The following SPOP variants were observed in gnomAD, a reference collection of about 807,000 sequenced individuals.
SPOP encodes the protein speckle-type POZ protein.
A neutral mutation model predicts 45.6 loss-of-function variants in SPOP; 11 were observed. That is an observed-to-expected ratio of 0.24 (90% CI 0.15 to 0.40). SPOP has a LOEUF of 0.40. Among genes scored for constraint, SPOP ranks in the 10% least tolerant of loss-of-function variants. The pLI, the probability that SPOP is intolerant of heterozygous loss-of-function variation, is 1.00. For synonymous variants in SPOP, 166 were observed against 166.3 expected (o/e 1.00, Z 0.01); for missense variants, 152 against 465.6 (o/e 0.33, Z 6.20).
At chr17:49,637,306 CA>C (rs990570102) in intron 1 of SPOP, among the ~76,000 whole-genome samples, 1 of 152,028 alleles carries the variant, frequency 6.6e-6, no homozygotes, top group South Asian at 2.1e-4. Context: ...AGTCATCTCT[CA>C]AAAAAATATT....
At chr17:49,655,511 CAA>C (rs912580849) in intron 1 of SPOP, among the ~76,000 whole-genome samples, 8 of 121,968 alleles carry the variant, frequency 6.6e-5, no homozygotes, top group African/African-American at 6.1e-5. Flanking sequence ...ACTCCGTCTC[CAA>C]AAAAAAAAAA....
intron 1 of SPOP, among the ~76,000 whole-genome samples, chr17:49,628,958 T>C (rs1371117253): frequency 1.3e-5 from 2 of 152,136 alleles, no homozygotes; most frequent in Non-Finnish European, 2.9e-5. Context: ...AATACTCTGA[T>C]GAAGGCCAGG....
chr17:49,618,465 T>C (rs2072137498), intron 5 of SPOP: 1 of 442,034 alleles, frequency 2.3e-6, no homozygotes, highest in Admixed American at 2.5e-5. Context: ...GTTAGAGAGC[T>C]TTACATAGCC....
chr17:49,643,260 A>G (rs1380497266), intron 1 of SPOP, among the ~76,000 whole-genome samples: 2 of 152,226 alleles, frequency 1.3e-5, no homozygotes, highest in Non-Finnish European at 2.9e-5. Flanking sequence ...ACACTTCAGG[A>G]TTCCAAGTGC....
At chr17:49,638,583 CA>C (rs5820771) in intron 1 of SPOP, among the ~76,000 whole-genome samples, 106,181 of 148,350 alleles carry the variant, frequency 0.72, 38,061 homozygotes, top group East Asian at 0.99. Flanking sequence ...GACTCTGTCT[CA>C]AAAAAAAAAA....
chr17:49,675,622 C>T (rs1312422766), intron 1 of SPOP, among the ~76,000 whole-genome samples: 3 of 152,324 alleles, frequency 2.0e-5, no homozygotes, highest in Non-Finnish European at 4.4e-5. Context: ...AAAGGCTCTG[C>T]ACCAGTACGA....
intron 1 of SPOP, among the ~76,000 whole-genome samples, chr17:49,626,432 T>C (rs1021866165): frequency 5.3e-5 from 8 of 152,184 alleles, no homozygotes; most frequent in Non-Finnish European, 1.2e-4. Flanking sequence ...TGGTGGCTTA[T>C]GCCTGTAATC....
At chr17:49,612,992 T>C (rs1191158949) in intron 5 of SPOP, 2 of 152,224 alleles carry the variant, frequency 1.3e-5, no homozygotes, top group Non-Finnish European at 2.9e-5. Flanking sequence ...TATTCATTTG[T>C]TTAAAACTAG....
intron 1 of SPOP, among the ~76,000 whole-genome samples, chr17:49,669,014 G>A (rs1471974078): frequency 6.6e-6 from 1 of 151,782 alleles, no homozygotes; most frequent in Non-Finnish European, 1.5e-5. Context: ...CTGACCTCGT[G>A]ATCCGCCCAT....
chr17:49,636,300 C>T (rs528456677), intron 1 of SPOP: 2 of 152,264 alleles, frequency 1.3e-5, no homozygotes, highest in Admixed American at 1.3e-4. Flanking sequence ...GCCCGACCTT[C>T]CTGAAGAACT....
At chr17:49,608,074 A>G (rs1468226373) in intron 6 of SPOP, 145 bp from the exon 7 acceptor site, 2 of 534,692 alleles carry the variant, frequency 3.7e-6, no homozygotes, top group Non-Finnish European at 6.4e-6. Context: ...GAATTACAAA[A>G]TTCCTTTCTT....
intron 1 of SPOP, among the ~76,000 whole-genome samples, chr17:49,676,571 T>C (rs1046517093): frequency 2.0e-5 from 3 of 152,196 alleles, no homozygotes; most frequent in Admixed American, 1.3e-4. Context: ...GGCTTACTAA[T>C]AGTTCCCTTC....
chr17:49,614,295 G>C (rs2072036569), intron 5 of SPOP, among the ~76,000 whole-genome samples: 1 of 151,988 alleles, frequency 6.6e-6, no homozygotes, highest in African/African-American at 2.4e-5. Flanking sequence ...ATTCACACAA[G>C]ACTATTATAT....
chr17:49,624,425 A>G (rs971452705), intron 1 of SPOP, among the ~76,000 whole-genome samples: 1 of 152,150 alleles, frequency 6.6e-6, no homozygotes, highest in Non-Finnish European at 1.5e-5. Context: ...TTCACTATGC[A>G]TATGCAAATC....
In SPOP at chr17:49,611,342, A is replaced by G; in HGVS notation, c.596T>C (p.Phe199Ser). ...GGCAACACACAAGCAGCAGTCTGTG[A>G]ACCGGGAATTCTCCCACAGTCCTCC... ...ELGGLWENSR[F>S]TDCCLCVAGQ... The change falls in exon 6 of 10, where the codon TTC (phenylalanine) becomes TCC (serine). Residue 199 changes from phenylalanine to serine, a missense_variant. Phe to Ser is a radical substitution (Grantham distance 155). Coordinates refer to ENST00000504102, the MANE Select transcript of SPOP (RefSeq NM_001007228.2). The G allele has an allele frequency of 6.2e-7, 1 of 1,614,196 alleles. No individual in the cohort carries two copies. The highest frequency in any genetic ancestry group is 8.5e-7 in the Non-Finnish European group (1 of 1,180,018).
intron 1 of SPOP, among the ~76,000 whole-genome samples, chr17:49,625,780 C>A (rs1258664189): frequency 2.0e-5 from 3 of 151,956 alleles, no homozygotes; most frequent in Non-Finnish European, 1.5e-5. Flanking sequence ...AAAACAACAA[C>A]AACAACAAAA....
At chr17:49,670,317 C>T (rs986982081) in intron 1 of SPOP, among the ~76,000 whole-genome samples, 2 of 152,172 alleles carry the variant, frequency 1.3e-5, no homozygotes, top group Non-Finnish European at 2.9e-5. Flanking sequence ...GTCAGAATAG[C>T]CTTTCGGAGA....
intron 5 of SPOP, among the ~76,000 whole-genome samples, chr17:49,613,274 T>TAA (rs78472735): frequency 9.6e-4 from 118 of 122,492 alleles, no homozygotes; most frequent in Middle Eastern, 3.9e-3. Context: ...AATACTAATT[T>TAA]AAAAAAAAAA....
intron 5 of SPOP, among the ~76,000 whole-genome samples, chr17:49,616,843 C>A (rs1226742386): frequency 6.6e-6 from 1 of 152,230 alleles, no homozygotes; most frequent in Non-Finnish European, 1.5e-5. Flanking sequence ...GCAGACGTTA[C>A]CCTGTTCAAC....
Sources: gnomAD v4.1 joint callset for allele counts (sites outside exome capture counted in the v4.1 genomes callset) on GRCh38, gnomAD v4.1.1 for gene constraint, MANE v1.5 for transcripts, NCBI Gene and HGNC (gene_info 2026-07-23, HGNC 2026-07-21) for gene names.